Variants in MYRF observed in about 807,000 individuals in gnomAD.
MYRF encodes myelin regulatory factor, also known as myelin gene regulatory factor.
MYRF carries 16 observed loss-of-function variants against 126.3 expected under a neutral mutation model. The ratio of observed to expected loss-of-function variants is 0.13; its 90% CI spans 0.09 to 0.19. The LOEUF (loss-of-function observed/expected upper bound fraction) is 0.19, where lower values mean the gene tolerates loss of function less well. MYRF is among the 10% of genes least tolerant of loss of function. The probability of loss-of-function intolerance (pLI) is 1.00; values close to 1 mark genes in which losing one functional copy is unlikely to be tolerated. For missense variants in MYRF, 1,104 were observed against 1,547.0 expected (o/e 0.71, Z 4.80); for synonymous variants, 608 against 635.3 (o/e 0.96, Z 0.65).
rs2066377190 is a variant in MYRF at position 61,776,194 on chromosome 11, G to T, written c.1388+62G>T. On this transcript the variant is annotated intron_variant, in intron 9 of 26. Transcript: ENST00000278836. This position sits in a 1 kb window ranked among gnomAD's most constrained non-coding sequence, Gnocchi z 4.3. Reference sequence around the variant, plus strand: ...GGGTCCACAACTAAAGCTGGCTTGGGAATGGAGGGGCCAGGGAGGTACCCA... The same window carrying T: ...GGGTCCACAACTAAAGCTGGCTTGGTAATGGAGGGGCCAGGGAGGTACCCA... 1 of 1,599,116 alleles carries T rather than the reference G, an allele frequency of 6.3e-7. No individual in the cohort carries two copies. Among genetic ancestry groups the T allele is most frequent in the Admixed American group, 1.7e-5 (1 of 59,902 alleles).
chr11:61,781,986 A>G lies in MYRF; in HGVS notation c.3016+162A>G, dbSNP rs174534. 0.33 allele frequency: 267,063 copies of G among 807,536 alleles called. 49,092 individuals carry two copies. The highest frequency in any genetic ancestry group is 0.55 in the Admixed American group (16,766 of 30,626). 50.0% of individuals were successfully genotyped at this position (807,536 alleles called of 1,614,324 possible). ...TCAGGAATCAGGCCTGCAGCCTTAC[A>G]TAGATCATCCCATTTAGTCCTCACA... On this transcript the variant is annotated intron_variant, in intron 22 of 26. Coordinates refer to ENST00000278836, the MANE Select transcript of MYRF (RefSeq NM_001127392.3).
chr11:61,778,810 C>T lies in MYRF; in HGVS notation c.2013+321C>T, dbSNP rs1311220194. ...ACATCCTCGTATGGTTACCTCCAGG[C>T]TGAAATACGTGGTTTATTGTGAGGA... On this transcript the variant is annotated intron_variant, in intron 14 of 26. Transcript: ENST00000278836. The surrounding 1 kb of genome is among the most constrained non-coding windows in gnomAD (Gnocchi z 4.6). The T allele has an allele frequency of 1.8e-6, 1 of 566,942 alleles. No individual in the cohort carries two copies. The highest frequency in any genetic ancestry group is 3.3e-6 in the Non-Finnish European group (1 of 298,958). 35.1% of individuals were successfully genotyped at this position (566,942 alleles called of 1,614,324 possible).
At chr11:61,773,063 T>C (rs2066270972) in intron 7 of MYRF, among the ~76,000 whole-genome samples, 1 of 149,304 alleles carries the variant, frequency 6.7e-6, no homozygotes, top group Non-Finnish European at 1.5e-5. Context: ...TGGAGTGCAA[T>C]GGCATGATCT....
At chr11:61,784,217 G>A in intron 24 of MYRF, 63 bp from the exon 25 acceptor site, 1 of 1,473,842 alleles carries the variant, frequency 6.8e-7, no homozygotes, top group East Asian at 2.3e-5. Context: ...AGGCTGGCTG[G>A]GAGGGGGCTG....
Position 61,777,610 on chromosome 11 carries a change from A to G in MYRF, c.1792-124A>G, listed in dbSNP as rs894595200. 42 of 1,317,852 alleles carry G rather than the reference A, an allele frequency of 3.2e-5. 1 individual carries two copies. The South Asian group carries it at 5.8e-4, about 18-fold the overall frequency. 81.6% of individuals were successfully genotyped at this position (1,317,852 alleles called of 1,614,324 possible). On this transcript the variant is annotated intron_variant, in intron 12 of 26. Transcript: ENST00000278836. The surrounding 1 kb of genome is among the most constrained non-coding windows in gnomAD (Gnocchi z 8.8). ...GGAGGCTGGCCTCGAATCCCGATCTAACCACTCCAGTGGTGGGGTCTCCTC... is the reference window on the plus strand; with the variant it reads ...GGAGGCTGGCCTCGAATCCCGATCTGACCACTCCAGTGGTGGGGTCTCCTC...
intron 5 of MYRF, 69 bp downstream of exon 5, chr11:61,770,594 C>T (rs985369314): frequency 6.0e-5 from 84 of 1,408,632 alleles, no homozygotes; most frequent in Middle Eastern, 1.8e-4. Context: ...GGCAGGGCGG[C>T]GGGCAGGCCA....
intron 24 of MYRF, 174 bp from the exon 25 acceptor site, chr11:61,784,106 G>A (rs941157737): frequency 2.3e-5 from 22 of 959,868 alleles, no homozygotes; most frequent in Middle Eastern, 5.2e-4. Flanking sequence ...TGGCCTCATG[G>A]GCTGAGGACC....
intron 1 of MYRF, among the ~76,000 whole-genome samples, chr11:61,754,667 C>T (rs1004080970): frequency 2.0e-5 from 3 of 152,126 alleles, no homozygotes; most frequent in Non-Finnish European, 4.4e-5. Flanking sequence ...GGGCTGACGC[C>T]ACGGCTTAGC....
Position 61,783,832 on chromosome 11 carries a change from G to T in MYRF, c.3120-19G>T. The T allele has an allele frequency of 6.3e-7, 1 of 1,588,480 alleles. No individual in the cohort carries two copies. The highest frequency in any genetic ancestry group is 8.6e-7 in the Non-Finnish European group (1 of 1,166,518). On this transcript the variant is annotated intron_variant, in intron 23 of 26. Coordinates refer to ENST00000278836, the MANE Select transcript of MYRF (RefSeq NM_001127392.3). The surrounding 1 kb of genome is among the most constrained non-coding windows in gnomAD (Gnocchi z 4.6). Reference sequence around the variant, plus strand: ...TGGCAGGGTACCCTCAGGCTAAGGTGCCAGTTTTGCCCCTGCAGGCCTGGG... The same window carrying T: ...TGGCAGGGTACCCTCAGGCTAAGGTTCCAGTTTTGCCCCTGCAGGCCTGGG...
rs2066608226 is a variant in MYRF at position 61,783,499 on chromosome 11, C to T, written c.3018C>T (p.Ala1006=). Residue 1006 remains alanine (A), a splice_region_variant and synonymous_variant, in exon 23 of 27, where the codon GCC becomes GCT. Transcript: ENST00000278836. This position sits in a 1 kb window ranked among gnomAD's most constrained non-coding sequence, Gnocchi z 4.6. ...AEPTWAQGQS[A]SLLAEPVPSL... is the part of the protein sequence containing the mutation. The stretch of plus-strand genomic sequence containing the variant: ...GTCACCTTACTCCTGCCCCAACAGC[C>T]TCTCTCCTTGCAGAGCCAGTGCCCT... 6.2e-7 allele frequency: 1 copy of T among 1,613,174 alleles called. No homozygotes were observed. Among genetic ancestry groups the T allele is most frequent in the African/African-American group, 1.3e-5 (1 of 74,910 alleles).
rs749378932 is a variant in MYRF, at chr11:61,778,922, C to A, written c.2014-341C>A. The A allele has an allele frequency of 2.7e-5, 16 of 582,642 alleles. No homozygotes were observed. Among genetic ancestry groups the A allele is most frequent in the Non-Finnish European group, 5.2e-5 (16 of 308,720 alleles). 36.1% of individuals were successfully genotyped at this position (582,642 alleles called of 1,614,324 possible). On this transcript the variant is annotated intron_variant, in intron 14 of 26. Coordinates refer to ENST00000278836, the MANE Select transcript of MYRF (RefSeq NM_001127392.3). This position sits in a 1 kb window ranked among gnomAD's most constrained non-coding sequence, Gnocchi z 4.6. ...CCCCAGCTGAATAGTGAAGTGCTGACATCTGAGACACCAGTCATCCGAGGG... is the reference window on the plus strand; with the variant it reads ...CCCCAGCTGAATAGTGAAGTGCTGAAATCTGAGACACCAGTCATCCGAGGG...
At chr11:61,764,270 C>A (rs907662427) in intron 1 of MYRF, among the ~76,000 whole-genome samples, 1 of 152,174 alleles carries the variant, frequency 6.6e-6, no homozygotes, top group Non-Finnish European at 1.5e-5. Flanking sequence ...GGGCGGGGGG[C>A]TCCCGGGGAC....
Position 61,777,974 on chromosome 11 carries a change from C to T in MYRF, c.1903+129C>T. On this transcript the variant is annotated intron_variant, in intron 13 of 26. Transcript: ENST00000278836. The surrounding 1 kb of genome is among the most constrained non-coding windows in gnomAD (Gnocchi z 8.8). Reference sequence around the variant, plus strand: ...GGAACTGCGCCCCTGGGAATCATGCCTTCTAGAAGTCCCGCCCCTCGGACC... The same window carrying T: ...GGAACTGCGCCCCTGGGAATCATGCTTTCTAGAAGTCCCGCCCCTCGGACC... 1.4e-6 allele frequency: 1 copy of T among 736,372 alleles called. No homozygotes were observed. The highest frequency in any genetic ancestry group is 1.6e-5 in the South Asian group (1 of 62,708). 45.6% of individuals were successfully genotyped at this position (736,372 alleles called of 1,614,324 possible).
chr11:61,768,104 C>T (rs1343411438), intron 3 of MYRF, among the ~76,000 whole-genome samples: 3 of 141,704 alleles, frequency 2.1e-5, no homozygotes, highest in Non-Finnish European at 3.0e-5. Context: ...GGTGACAGAG[C>T]GAGACTCTGT....
intron 1 of MYRF, among the ~76,000 whole-genome samples, chr11:61,754,893 G>A (rs890791080): frequency 3.9e-5 from 6 of 152,240 alleles, no homozygotes; most frequent in African/African-American, 1.2e-4. Context: ...GCCCATGTGG[G>A]GGACCCACTG....
intron 3 of MYRF, chr11:61,766,767 T>C: frequency 3.0e-6 from 1 of 330,394 alleles, no homozygotes; most frequent in Non-Finnish European, 5.9e-6. Context: ...GGCCTGGCTT[T>C]GACCAAAGGT....
At position 61,786,381 on chromosome 11, in the gene MYRF, C is replaced by T. The variant is rs1202786809; in HGVS notation, c.*238C>T. 1.4e-5 allele frequency: 8 copies of T among 574,226 alleles called. No individual in the cohort carries two copies. The highest frequency in any genetic ancestry group is 2.0e-5 in the South Asian group (1 of 49,582). The allele number at this position is 574,226 out of a possible 1,614,324, so 35.6% of individuals were successfully genotyped here. A position where few individuals can be genotyped will look rare whatever the true frequency, so the allele number is the denominator to read the frequency against. On this transcript the variant is annotated 3_prime_UTR_variant, in exon 27 of 27. Transcript: ENST00000278836. This position sits in a 1 kb window ranked among gnomAD's most constrained non-coding sequence, Gnocchi z 4.5. ...ACTTCTTGGGCCTTCCTGCCTGCCACCCCCTAGGGGCCAGGACAGGACCAG... is the reference window on the plus strand; with the variant it reads ...ACTTCTTGGGCCTTCCTGCCTGCCATCCCCTAGGGGCCAGGACAGGACCAG...
At chr11:61,785,728 C>A in intron 25 of MYRF, 72 bp from the exon 26 acceptor site, 1 of 1,309,080 alleles carries the variant, frequency 7.6e-7, no homozygotes, top group South Asian at 1.2e-5. Context: ...AGGACTGCGA[C>A]GGCCGTGGTG....
intron 22 of MYRF, chr11:61,782,135 C>T (rs1049011177): frequency 3.1e-5 from 10 of 318,582 alleles, no homozygotes; most frequent in Admixed American, 4.8e-5. Flanking sequence ...TATTTGATCC[C>T]GAGCCTGGCT....
Sources: gnomAD v4.1 joint callset for allele counts (sites outside exome capture counted in the v4.1 genomes callset) on GRCh38, gnomAD v4.1.1 for gene constraint, Gnocchi (gnomAD v3.1) non-coding constraint, MANE v1.5 for transcripts, NCBI Gene and HGNC (gene_info 2026-07-23, HGNC 2026-07-21) for gene names.